The following CLIP2 variants were observed in gnomAD, a reference collection of about 807,000 sequenced individuals.
The protein encoded by CLIP2 is CAP-Gly domain-containing linker protein 2.
Under a neutral mutation model 111.7 loss-of-function variants are expected in CLIP2, and 41 were observed. The observed-to-expected ratio is 0.37, with a 90% CI of 0.29 to 0.48. CLIP2 has a LOEUF of 0.48. CLIP2 is among the 20% of genes least tolerant of loss of function. The pLI is 0.99. For synonymous variants in CLIP2, 660 were observed against 644.2 expected (o/e 1.02, Z -0.37); for missense variants, 1,160 against 1,422.1 (o/e 0.82, Z 2.96).
At chr7:74,303,416 G>A (rs1290011027) in intron 1 of CLIP2, among the ~76,000 whole-genome samples, 1 of 152,088 alleles carries the variant, frequency 6.6e-6, no homozygotes, top group Admixed American at 6.6e-5. Context: ...GCATGTGTGG[G>A]CATTGGGGTG....
intron 13 of CLIP2, among the ~76,000 whole-genome samples, chr7:74,390,204 A>G (rs531121676): frequency 7.0e-4 from 69 of 98,942 alleles, no homozygotes; most frequent in Non-Finnish European, 1.5e-3. Context: ...AAAGAAAGAA[A>G]GAAAGAAAGA....
At chr7:74,351,006 A>AAGAAAT (rs1554307402) in intron 3 of CLIP2, among the ~76,000 whole-genome samples, 20 of 135,588 alleles carry the variant, frequency 1.5e-4, no homozygotes, top group African/African-American at 4.8e-4. Context: ...GAAGGAGAGA[A>AAGAAAT]AGAAAGAAGG....
At chr7:74,363,059 C>G (rs1790377840) in intron 7 of CLIP2, among the ~76,000 whole-genome samples, 1 of 151,764 alleles carries the variant, frequency 6.6e-6, no homozygotes, top group South Asian at 2.1e-4. Flanking sequence ...GGCTGGAGTG[C>G]AATGGCACGA....
intron 3 of CLIP2, among the ~76,000 whole-genome samples, chr7:74,340,481 G>A (rs1196429669): frequency 2.0e-5 from 3 of 152,160 alleles, no homozygotes; most frequent in Admixed American, 6.6e-5. Context: ...GCTACAACTC[G>A]AGTGATCAGT....
At chr7:74,360,080 G>A in intron 6 of CLIP2, 95 bp from the exon 7 acceptor site, 1 of 1,007,506 alleles carries the variant, frequency 9.9e-7, no homozygotes, top group Non-Finnish European at 1.5e-6. Context: ...TGGGGTTCCA[G>A]GCCCTGCTCC....
intron 8 of CLIP2, among the ~76,000 whole-genome samples, chr7:74,370,505 G>A (rs905213628): frequency 1.7e-4 from 25 of 151,150 alleles, no homozygotes; most frequent in Admixed American, 1.5e-3. Flanking sequence ...ATCAGATCCT[G>A]CCCCTTTCCT....
chr7:74,392,350 CA>C (rs56386461), intron 13 of CLIP2, among the ~76,000 whole-genome samples: 67,268 of 126,948 alleles, frequency 0.53, 15,881 homozygotes, highest in East Asian at 0.58. Context: ...GACTCCATCT[CA>C]AAAAAAAAAA....
intron 3 of CLIP2, among the ~76,000 whole-genome samples, chr7:74,345,761 C>T (rs1161368921): frequency 1.3e-5 from 2 of 151,878 alleles, no homozygotes; most frequent in Admixed American, 6.6e-5. Context: ...GCAGGAGAAT[C>T]GCTTGAACCC....
At chr7:74,379,769 AAAT>A (rs1790889415) in intron 10 of CLIP2, among the ~76,000 whole-genome samples, 1 of 151,696 alleles carries the variant, frequency 6.6e-6, no homozygotes, top group South Asian at 2.1e-4. Context: ...CCATCTCAAA[AAAT>A]AATAATAAAA....
At chr7:74,364,851 A>G (rs782058524) in intron 8 of CLIP2, 1 of 455,094 alleles carries the variant, frequency 2.2e-6, no homozygotes, top group South Asian at 1.6e-5. Context: ...GCAAGATCCC[A>G]TCTCTACAAA....
intron 1 of CLIP2, among the ~76,000 whole-genome samples, chr7:74,291,832 C>A (rs1327347327): frequency 6.6e-6 from 1 of 152,168 alleles, no homozygotes; most frequent in South Asian, 2.1e-4. Context: ...TGTCCCTGCT[C>A]CCCACCTGGC....
chr7:74,294,493 C>G lies in CLIP2; in HGVS notation c.-68+4759C>G, dbSNP rs148277227. 8.2e-3 allele frequency among the ~76,000 whole-genome samples: 1,247 copies of G among 152,268 alleles called. 5 individuals are homozygous for G. The highest frequency in any genetic ancestry group is 0.014 in the Middle Eastern group (4 of 294). On this transcript the variant is annotated intron_variant, in intron 1 of 16. Transcript: ENST00000223398. The stretch of plus-strand genomic sequence containing the variant: ...ATCATACCTTCCACTCTAGCCTGAG[C>G]CCTGAGCGACACCCGCTCCCGATTC...
chr7:74,303,599 T>A (rs1258793323), intron 1 of CLIP2, among the ~76,000 whole-genome samples: 13 of 150,822 alleles, frequency 8.6e-5, no homozygotes, highest in South Asian at 2.1e-4. Context: ...CTCTTATTTT[T>A]TTTTTTTTTT....
intron 11 of CLIP2, among the ~76,000 whole-genome samples, chr7:74,385,869 A>G (rs374095579): frequency 6.6e-6 from 1 of 150,788 alleles, no homozygotes; most frequent in African/African-American, 2.4e-5. Flanking sequence ...CAACCTCCCA[A>G]GTAGCTGGAA....
chr7:74,310,879 T>A (rs1442584994), intron 1 of CLIP2, among the ~76,000 whole-genome samples: 2 of 152,034 alleles, frequency 1.3e-5, no homozygotes, highest in African/African-American at 4.8e-5. Context: ...GCCCTGCTAA[T>A]TGTTTTTGGA....
intron 10 of CLIP2, among the ~76,000 whole-genome samples, chr7:74,378,928 C>T (rs1466392752): frequency 6.6e-6 from 1 of 152,148 alleles, no homozygotes; most frequent in Non-Finnish European, 1.5e-5. Flanking sequence ...AGTGCTCTTC[C>T]AGGATCCTGG....
chr7:74,316,041 GC>G (rs1246074372), intron 1 of CLIP2, among the ~76,000 whole-genome samples: 1 of 43,860 alleles, frequency 2.3e-5, no homozygotes, highest in Non-Finnish European at 4.7e-5. Context: ...CCCTCCCCCC[GC>G]CCCCACAACA....
intron 14 of CLIP2, among the ~76,000 whole-genome samples, chr7:74,397,828 G>A (rs1024120026): frequency 3.3e-5 from 5 of 151,276 alleles, no homozygotes; most frequent in Admixed American, 1.3e-4. Context: ...CACCACGCCT[G>A]GCTAATTTTT....
intron 2 of CLIP2, among the ~76,000 whole-genome samples, chr7:74,322,896 G>C (rs1554730204): frequency 6.6e-6 from 1 of 151,350 alleles, no homozygotes; most frequent in East Asian, 2.0e-4. Context: ...ATGCCCAGCT[G>C]ATTTTTGTAT....
Sources: allele counts gnomAD v4.1 joint callset (sites outside exome capture counted in the v4.1 genomes callset), GRCh38; gene constraint gnomAD v4.1.1; transcripts MANE v1.5; gene names NCBI Gene and HGNC (gene_info 2026-07-23, HGNC 2026-07-21).